Variants in RFPL1 observed in about 807,000 individuals in gnomAD.
RFPL1 encodes the protein ret finger protein like 1.
Under a neutral mutation model 9.6 loss-of-function variants are expected in RFPL1, and 6 were observed. The ratio of observed to expected loss-of-function variants is 0.62; its 90% CI spans 0.34 to 1.23. The LOEUF (loss-of-function observed/expected upper bound fraction) is 1.23. Among genes scored for constraint, RFPL1 ranks in the 50% most tolerant of loss-of-function variants. RFPL1 has a pLI of 0.03. For synonymous variants in RFPL1, 145 were observed against 149.4 expected (o/e 0.97, Z 0.22); for missense variants, 352 against 398.4 (o/e 0.88, Z 0.99).
chr22:29,421,332 C>T, the RFPL1 span, among the ~76,000 whole-genome samples: 232 of 152,222 alleles, frequency 1.5e-3, 1 homozygote, highest in Non-Finnish European at 1.7e-3. Context: ...TGCCTGTAGT[C>T]CCAGCTACTT....
At chr22:29,420,699 G>A in the RFPL1 span, among the ~76,000 whole-genome samples, 4 of 141,054 alleles carry the variant, frequency 2.8e-5, no homozygotes, top group Admixed American at 7.6e-5. Flanking sequence ...GGAGTGCAAC[G>A]GTGCGATCTC....
At chr22:29,406,672 G>A in the RFPL1 span, among the ~76,000 whole-genome samples, 864 of 152,274 alleles carry the variant, frequency 5.7e-3, 4 homozygotes, top group Non-Finnish European at 8.2e-3. Context: ...GGTGCAAACC[G>A]GGATCAAAAC....
At chr22:29,431,947 C>G in the RFPL1 span, among the ~76,000 whole-genome samples, 1 of 152,178 alleles carries the variant, frequency 6.6e-6, no homozygotes, top group Non-Finnish European at 1.5e-5. Flanking sequence ...CCACCTCGGC[C>G]TCCCAAAGTG....
the RFPL1 span, among the ~76,000 whole-genome samples, chr22:29,416,330 T>A: frequency 1.3e-5 from 2 of 152,132 alleles, no homozygotes; most frequent in Admixed American, 1.3e-4. Flanking sequence ...GGGGTTCAGC[T>A]TTCCTGCATC....
chr22:29,393,060 TGG>T, the RFPL1 span, among the ~76,000 whole-genome samples: 1 of 151,958 alleles, frequency 6.6e-6, no homozygotes, highest in East Asian at 1.9e-4. Context: ...TAACTCAGAG[TGG>T]TAGGAAGTAC....
the RFPL1 span, among the ~76,000 whole-genome samples, chr22:29,410,372 C>CTA: frequency 1.7e-5 from 1 of 59,262 alleles, no homozygotes; most frequent in South Asian, 5.6e-4. Context: ...ATATATATAT[C>CTA]TATATATATA....
chr22:29,408,046 T>C, the RFPL1 span, among the ~76,000 whole-genome samples: 1 of 152,256 alleles, frequency 6.6e-6, no homozygotes, highest in African/African-American at 2.4e-5. Flanking sequence ...CTCATTAAAA[T>C]GCACACTTAA....
At chr22:29,431,057 T>C in the RFPL1 span, among the ~76,000 whole-genome samples, 2 of 151,884 alleles carry the variant, frequency 1.3e-5, no homozygotes, top group African/African-American at 4.8e-5. Context: ...AGGATGTAAA[T>C]GAGAGGGGAG....
At chr22:29,410,865 A>G in the RFPL1 span, among the ~76,000 whole-genome samples, 7 of 151,992 alleles carry the variant, frequency 4.6e-5, no homozygotes, top group Admixed American at 4.6e-4. Context: ...AAAAAAAATC[A>G]CAAGCCTCTC....
exon 2 of RFPL1, chr22:29,442,034 C>A: frequency 6.2e-7 from 1 of 1,614,034 alleles, no homozygotes; most frequent in Non-Finnish European, 8.5e-7. Flanking sequence ...CCAAGTCCAC[C>A]TAATGGTGAT....
rs16987628 is a variant in RFPL1 at position 29,441,610 on chromosome 22, C to T, written c.442C>T (p.Arg148Ter). The T allele has an allele frequency of 3.0e-3, 4,909 of 1,613,800 alleles. 129 individuals carry two copies. In the African/African-American group the frequency reaches 0.059, roughly 19 times the overall value. Residue 148 changes from arginine (R) to a stop codon, truncating the protein, a stop_gained, in exon 2 of 2, where the codon CGA becomes TGA. Coordinates refer to ENST00000354373, the Ensembl canonical transcript of RFPL1. LOFTEE classifies it low-confidence loss of function (END_TRUNC). Reference sequence around the variant, plus strand: ...CATTTCTGACGACCTCAGGAGCGTCCGAAGTGGGTGCATCACACAGAATCG... The same window carrying T: ...CATTTCTGACGACCTCAGGAGCGTCTGAAGTGGGTGCATCACACAGAATCG...
the RFPL1 span, among the ~76,000 whole-genome samples, chr22:29,427,963 C>G: frequency 6.6e-6 from 1 of 152,170 alleles, no homozygotes; most frequent in Non-Finnish European, 1.5e-5. Flanking sequence ...TATATAAGCC[C>G]TAGAGGGTCT....
At chr22:29,424,840 C>CCA in the RFPL1 span, among the ~76,000 whole-genome samples, 88 of 113,454 alleles carry the variant, frequency 7.8e-4, 1 homozygote, top group Non-Finnish European at 1.4e-3. Flanking sequence ...CCCACCCCCC[C>CCA]CCCCGCAAAA....
chr22:29,431,234 A>G, the RFPL1 span, among the ~76,000 whole-genome samples: 1 of 152,138 alleles, frequency 6.6e-6, no homozygotes, highest in African/African-American at 2.4e-5. Context: ...GGTATTAGAG[A>G]GCAAGGGCTG....
chr22:29,439,133 G>A (rs1419179658), exon 1 of RFPL1: 10 of 1,614,174 alleles, frequency 6.2e-6, no homozygotes, highest in African/African-American at 4.0e-5. Flanking sequence ...AGAAGATTCT[G>A]CAGATGAACC....
chr22:29,416,050 G>T, the RFPL1 span, among the ~76,000 whole-genome samples: 1 of 152,186 alleles, frequency 6.6e-6, no homozygotes, highest in Non-Finnish European at 1.5e-5. Context: ...GTCACCAAGA[G>T]ATTGGGGTTA....
chr22:29,418,389 C>T, the RFPL1 span, among the ~76,000 whole-genome samples: 6 of 152,144 alleles, frequency 3.9e-5, 1 homozygote, highest in South Asian at 1.2e-3. Context: ...ATCCAATCTG[C>T]ACATGTATTT....
the RFPL1 span, among the ~76,000 whole-genome samples, chr22:29,431,037 G>T: frequency 6.6e-6 from 1 of 152,102 alleles, no homozygotes; most frequent in African/African-American, 2.4e-5. Flanking sequence ...TTGGGTTAAG[G>T]AAGATAAGCA....
the RFPL1 span, among the ~76,000 whole-genome samples, chr22:29,391,226 C>T: frequency 6.6e-6 from 1 of 152,076 alleles, no homozygotes; most frequent in African/African-American, 2.4e-5. Flanking sequence ...TATTTTCTCA[C>T]AGTGCTGGGG....
Sources: gnomAD v4.1 joint callset for allele counts (sites outside exome capture counted in the v4.1 genomes callset) on GRCh38, gnomAD v4.1.1 for gene constraint, MANE v1.5 for transcripts, NCBI Gene and HGNC (gene_info 2026-07-23, HGNC 2026-07-21) for gene names.